The following RABGAP1L variants were observed in gnomAD, a reference collection of about 807,000 sequenced individuals.
RABGAP1L encodes rab GTPase-activating protein 1-like.
Under a neutral mutation model 137.7 loss-of-function variants are expected in RABGAP1L, and 63 were observed. That is an observed-to-expected ratio of 0.46 (90% CI 0.37 to 0.56). The LOEUF is 0.56. Ranked by LOEUF, RABGAP1L falls within the 20% of genes least tolerant of loss-of-function variation. The probability of loss-of-function intolerance (pLI) is 0.00; values close to 1 mark genes in which losing one functional copy is unlikely to be tolerated. For missense variants in RABGAP1L, 1,095 were observed against 1,244.0 expected (o/e 0.88, Z 1.80); for synonymous variants, 431 against 433.7 (o/e 0.99, Z 0.08).
rs76557732 is a variant in RABGAP1L at position 174,324,167 on chromosome 1, A to G, written c.1465+19040A>G. On this transcript the variant is annotated intron_variant, in intron 11 of 25. Coordinates refer to ENST00000681986, the MANE Select transcript of RABGAP1L (RefSeq NM_001366446.1). The stretch of plus-strand genomic sequence containing the variant: ...AAAGAGCTAAATTAGATCAATATTC[A>G]TTTTTTCTCATGGCCATTTTGACAG... 9.3e-3 allele frequency among the ~76,000 whole-genome samples: 1,417 copies of G among 152,156 alleles called. 26 individuals carry two copies. The highest frequency in any genetic ancestry group is 0.033 in the African/African-American group (1,363 of 41,514).
chr1:174,477,696 C>T (rs995320329), intron 13 of RABGAP1L, among the ~76,000 whole-genome samples: 8 of 152,084 alleles, frequency 5.3e-5, no homozygotes, highest in African/African-American at 1.4e-4. Context: ...TTGTAGTGTG[C>T]AATAGGAACC....
At chr1:174,174,963 T>C (rs1369385637) in intron 1 of RABGAP1L, among the ~76,000 whole-genome samples, 1 of 152,200 alleles carries the variant, frequency 6.6e-6, no homozygotes, top group Non-Finnish European at 1.5e-5. Context: ...TTTAGTCAAG[T>C]TGACAACTAA....
intron 14 of RABGAP1L, among the ~76,000 whole-genome samples, chr1:174,655,216 G>A (rs1276481575): frequency 6.6e-6 from 1 of 152,114 alleles, no homozygotes; most frequent in African/African-American, 2.4e-5. Context: ...ACATCATTCA[G>A]TTTTTACTAA....
chr1:174,434,169 A>G (rs1237999522), intron 13 of RABGAP1L, among the ~76,000 whole-genome samples: 2 of 147,268 alleles, frequency 1.4e-5, no homozygotes, highest in African/African-American at 5.1e-5. Context: ...TGGGGCAACT[A>G]GGGTTCTGAT....
At chr1:174,874,446 A>G (rs1652737630) in intron 19 of RABGAP1L, 5 of 984,868 alleles carry the variant, frequency 5.1e-6, no homozygotes, top group African/African-American at 1.8e-5. Context: ...ACTGAGGACC[A>G]TCTATTTGGT....
At position 174,207,724 on chromosome 1, in the gene RABGAP1L, G is replaced by T. The variant is rs542109857; in HGVS notation, c.-33-11401G>T. On this transcript the variant is annotated intron_variant, in intron 1 of 25. Coordinates refer to ENST00000681986, the MANE Select transcript of RABGAP1L (RefSeq NM_001366446.1). ...AAAAATAGACTTGGTCCCTGCCCAT[G>T]TGCAGATAGGTCTTTTTTAGAAGGC... Among the ~76,000 whole-genome samples, 10 of 152,290 alleles carry T rather than the reference G, an allele frequency of 6.6e-5. No individual in the cohort carries two copies. The South Asian group carries it at 2.1e-3, about 32-fold the overall frequency.
intron 19 of RABGAP1L, among the ~76,000 whole-genome samples, chr1:174,953,035 C>CAAA (rs34788853): frequency 0.012 from 1,193 of 97,298 alleles, 27 homozygotes; most frequent in African/African-American, 0.042. Flanking sequence ...GGGTGGCATG[C>CAAA]AAAAAAAAAA....
At chr1:174,501,860 T>G (rs1200618346) in intron 13 of RABGAP1L, among the ~76,000 whole-genome samples, 1 of 151,790 alleles carries the variant, frequency 6.6e-6, no homozygotes, top group Non-Finnish European at 1.5e-5. Context: ...GCATATATGC[T>G]CTCTTTCTAG....
At chr1:174,709,133 C>CTCTGG (rs551994767) in intron 17 of RABGAP1L, among the ~76,000 whole-genome samples, 2 of 152,336 alleles carry the variant, frequency 1.3e-5, no homozygotes, top group South Asian at 4.1e-4. Context: ...GATTCATGCT[C>CTCTGG]TCTGGGCAGG....
chr1:174,163,344 T>A (rs990952298), intron 1 of RABGAP1L, among the ~76,000 whole-genome samples: 8 of 152,170 alleles, frequency 5.3e-5, no homozygotes. Flanking sequence ...CTTTTTATAC[T>A]TCGTTTACTT....
chr1:174,172,525 G>C (rs753663816), intron 1 of RABGAP1L, among the ~76,000 whole-genome samples: 1 of 152,100 alleles, frequency 6.6e-6, no homozygotes, highest in Non-Finnish European at 1.5e-5. Flanking sequence ...TTGTCTTTTT[G>C]ATAATAGCCA....
intron 18 of RABGAP1L, among the ~76,000 whole-genome samples, chr1:174,775,373 G>A (rs61828081): frequency 0.089 from 13,473 of 150,810 alleles, 816 homozygotes; most frequent in East Asian, 0.22. Flanking sequence ...GAGTGCAATG[G>A]TGTGATCTCA....
At chr1:174,877,293 G>C in intron 19 of RABGAP1L, 1 of 899,346 alleles carries the variant, frequency 1.1e-6, no homozygotes, top group Non-Finnish European at 1.7e-6. Context: ...GTTTCCTACT[G>C]GGGGTGAATT....
At chr1:174,972,565 G>A (rs1198710838) in intron 21 of RABGAP1L, among the ~76,000 whole-genome samples, 1 of 152,146 alleles carries the variant, frequency 6.6e-6, no homozygotes, top group Non-Finnish European at 1.5e-5. Context: ...AAATTATGGT[G>A]AAGGCTGTCT....
At chr1:174,275,505 A>G (rs1674920496) in intron 8 of RABGAP1L, among the ~76,000 whole-genome samples, 1 of 152,172 alleles carries the variant, frequency 6.6e-6, no homozygotes, top group African/African-American at 2.4e-5. Context: ...TTATGTGTAT[A>G]TGAGATTTGG....
intron 12 of RABGAP1L, among the ~76,000 whole-genome samples, chr1:174,377,138 G>T (rs12084119): frequency 0.58 from 87,376 of 151,944 alleles, 27,495 homozygotes; most frequent in African/African-American, 0.85. Flanking sequence ...TATAGAAATC[G>T]AACAAATTGT....
At chr1:174,623,437 G>C (rs1672697836) in intron 13 of RABGAP1L, among the ~76,000 whole-genome samples, 2 of 152,160 alleles carry the variant, frequency 1.3e-5, no homozygotes, top group Non-Finnish European at 2.9e-5. Context: ...CATGGAAGCT[G>C]ACAGAAAGCT....
chr1:174,513,431 C>T (rs1200855909), intron 13 of RABGAP1L, among the ~76,000 whole-genome samples: 3 of 151,850 alleles, frequency 2.0e-5, no homozygotes, highest in African/African-American at 4.8e-5. Context: ...AACATAGTGA[C>T]ACCCTGTCTC....
chr1:174,243,743 C>G (rs1672025302), intron 5 of RABGAP1L, among the ~76,000 whole-genome samples: 1 of 152,048 alleles, frequency 6.6e-6, no homozygotes, highest in Admixed American at 6.6e-5. Context: ...TTACTAATAC[C>G]CTCATTTTTA....
Sources: gnomAD v4.1 joint callset for allele counts (sites outside exome capture counted in the v4.1 genomes callset) on GRCh38, gnomAD v4.1.1 for gene constraint, MANE v1.5 for transcripts, NCBI Gene and HGNC (gene_info 2026-07-23, HGNC 2026-07-21) for gene names.